GRIK4: variants seen among roughly 807,000 people sequenced by gnomAD.
GRIK4 encodes the protein glutamate receptor ionotropic, kainate 4.
A neutral mutation model predicts 104.9 loss-of-function variants in GRIK4; 40 were observed. The observed-to-expected ratio is 0.38, with a 90% CI of 0.30 to 0.50. The LOEUF (loss-of-function observed/expected upper bound fraction) is 0.50. GRIK4 is among the 20% of genes least tolerant of loss of function. The pLI is 0.93. For synonymous variants in GRIK4, 485 were observed against 524.9 expected (o/e 0.92, Z 1.04); for missense variants, 1,047 against 1,308.1 (o/e 0.80, Z 3.08).
At chr11:120,760,279 T>G (rs1419864285) in intron 3 of GRIK4, among the ~76,000 whole-genome samples, 1 of 151,188 alleles carries the variant, frequency 6.6e-6, no homozygotes, top group Non-Finnish European at 1.5e-5. Flanking sequence ...CTTAGCATAT[T>G]GTTCTCTAGG....
intron 3 of GRIK4, among the ~76,000 whole-genome samples, chr11:120,676,562 A>G (rs1337244626): frequency 6.6e-6 from 1 of 152,200 alleles, no homozygotes; most frequent in African/African-American, 2.4e-5. Flanking sequence ...GAAAAACCTG[A>G]CGGGTGTCTT....
At chr11:120,923,865 A>G (rs530738795) in intron 13 of GRIK4, among the ~76,000 whole-genome samples, 1 of 152,322 alleles carries the variant, frequency 6.6e-6, no homozygotes, top group East Asian at 1.9e-4. Flanking sequence ...GGACCCTCTG[A>G]TGGCTCTCTG....
chr11:120,595,605 G>A (rs530966087), intron 1 of GRIK4, among the ~76,000 whole-genome samples: 2 of 152,274 alleles, frequency 1.3e-5, no homozygotes, highest in South Asian at 4.1e-4. Flanking sequence ...TAGCCACATG[G>A]AATGGTGGTT....
chr11:120,940,605 C>T lies in GRIK4; in HGVS notation c.1590+145C>T. On this transcript the variant is annotated intron_variant, in intron 14 of 20. Coordinates refer to ENST00000527524, the MANE Select transcript of GRIK4 (RefSeq NM_014619.5). This position sits in a 1 kb window ranked among gnomAD's most constrained non-coding sequence, Gnocchi z 4.3. Reference sequence around the variant, plus strand: ...TGTGCTGGGCTATTTTTTCTCCTATCATCTGCACGAACTTGCAAACTGAAG... The same window carrying T: ...TGTGCTGGGCTATTTTTTCTCCTATTATCTGCACGAACTTGCAAACTGAAG... The T allele has an allele frequency of 1.6e-6, 1 of 609,200 alleles. No homozygotes were observed. The highest frequency in any genetic ancestry group is 2.1e-5 in the South Asian group (1 of 48,648). 37.7% of individuals were successfully genotyped at this position (609,200 alleles called of 1,614,324 possible). A position where few individuals can be genotyped will look rare whatever the true frequency, so the allele number is the denominator to read the frequency against.
rs760819006 is a variant in GRIK4, at chr11:120,952,925, C to T, written c.1661C>T (p.Ala554Val). The change falls in exon 15 of 21, where the codon GCC becomes GTC. Residue 554 changes from alanine to valine, a missense_variant. This residue lies in a region of GRIK4 where 440 missense variants were observed against 652.3 expected (regional missense o/e 0.67). Transcript: ENST00000527524. This position sits in a 1 kb window ranked among gnomAD's most constrained non-coding sequence, Gnocchi z 5.2. Reference sequence around the variant, plus strand: ...GGCGTCTGGCTCTTCATGCTTCTAGCCTATCTGGCCGTCAGCTGTGTCCTC... The same window carrying T: ...GGCGTCTGGCTCTTCATGCTTCTAGTCTATCTGGCCGTCAGCTGTGTCCTC... ...SPGVWLFMLL[A>V]YLAVSCVLFL... The T allele has an allele frequency of 1.2e-6, 2 of 1,613,822 alleles. No individual in the cohort carries two copies. Among genetic ancestry groups the T allele is most frequent in the Admixed American group, 3.3e-5 (2 of 60,010 alleles).
intron 9 of GRIK4, chr11:120,871,508 A>C: frequency 2.3e-6 from 1 of 425,606 alleles, no homozygotes; most frequent in South Asian, 1.7e-5. Context: ...ACCTCATCCT[A>C]GCTCAGCAAG....
chr11:120,652,091 C>T (rs1304118121), intron 1 of GRIK4, among the ~76,000 whole-genome samples: 1 of 152,092 alleles, frequency 6.6e-6, no homozygotes, highest in South Asian at 2.1e-4. Flanking sequence ...CAGGTCTGCA[C>T]GTGGGGAGGA....
At chr11:120,798,465 T>A (rs989192099) in intron 3 of GRIK4, among the ~76,000 whole-genome samples, 16 of 151,926 alleles carry the variant, frequency 1.1e-4, no homozygotes, top group Non-Finnish European at 1.8e-4. Flanking sequence ...CCAGGTTTTG[T>A]TTTTGTTTTT....
chr11:120,902,138 C>G lies in GRIK4; in HGVS notation c.1273-3152C>G, dbSNP rs1213246883. 6.6e-6 allele frequency among the ~76,000 whole-genome samples: 1 copy of G among 152,182 alleles called. No homozygotes were observed. Among genetic ancestry groups the G allele is most frequent in the Non-Finnish European group, 1.5e-5 (1 of 68,040 alleles). ...CTCAGCACACATTCATGTTGTCTCC[C>G]CGCTCTGGTCAGGGCACACTTGGGG... On this transcript the variant is annotated intron_variant, in intron 12 of 20. Coordinates refer to ENST00000527524, the MANE Select transcript of GRIK4 (RefSeq NM_014619.5). The surrounding 1 kb of genome is among the most constrained non-coding windows in gnomAD (Gnocchi z 4.5).
intron 3 of GRIK4, among the ~76,000 whole-genome samples, chr11:120,752,508 C>G (rs1264706268): frequency 6.6e-6 from 1 of 152,222 alleles, no homozygotes; most frequent in Non-Finnish European, 1.5e-5. Flanking sequence ...ATGGAGAGAT[C>G]CACCCCTTCC....
chr11:120,618,823 T>C (rs2135160449), intron 1 of GRIK4, among the ~76,000 whole-genome samples: 1 of 152,258 alleles, frequency 6.6e-6, no homozygotes, highest in Middle Eastern at 3.4e-3. Flanking sequence ...TCTGTCTAGA[T>C]TTTGGAGGAT....
At chr11:120,528,731 A>G (rs1394959488) in intron 1 of GRIK4, among the ~76,000 whole-genome samples, 1 of 152,138 alleles carries the variant, frequency 6.6e-6, no homozygotes, top group Non-Finnish European at 1.5e-5. Context: ...GTGCAGGGAA[A>G]CTGCCCCTCA....
chr11:120,555,769 G>A lies in GRIK4; in HGVS notation c.-159+43882G>A, dbSNP rs1287765026. Among the ~76,000 whole-genome samples, 1 of 152,106 alleles carries A rather than the reference G, an allele frequency of 6.6e-6. No homozygotes were observed. The highest frequency in any genetic ancestry group is 1.5e-5 in the Non-Finnish European group (1 of 68,028). On this transcript the variant is annotated intron_variant, in intron 1 of 20. Coordinates refer to ENST00000527524, the MANE Select transcript of GRIK4 (RefSeq NM_014619.5). This position sits in a 1 kb window ranked among gnomAD's most constrained non-coding sequence, Gnocchi z 5.3. ...TGCAAATTCCTTTTACTTCATCCTT[G>A]TCCTCAGAGGCCTTGGGGCTTCTTC...
intron 3 of GRIK4, among the ~76,000 whole-genome samples, chr11:120,746,002 G>T (rs1175928377): frequency 2.6e-5 from 4 of 152,128 alleles, no homozygotes; most frequent in Non-Finnish European, 5.9e-5. Context: ...ATGAGTTTGG[G>T]ACTTGGGGAT....
At chr11:120,964,672 G>GTC (rs1944352515) in intron 18 of GRIK4, among the ~76,000 whole-genome samples, 1 of 152,144 alleles carries the variant, frequency 6.6e-6, no homozygotes, top group East Asian at 1.9e-4. Context: ...CACAACTCTA[G>GTC]AAATTTTCAT....
chr11:120,981,842 C>A (rs1273048278), intron 19 of GRIK4, among the ~76,000 whole-genome samples: 1 of 152,176 alleles, frequency 6.6e-6, no homozygotes, highest in Non-Finnish European at 1.5e-5. Flanking sequence ...CCCAGACACC[C>A]TTTGGTAGGC....
In GRIK4 at chr11:120,861,843, G is replaced by A. The variant is rs532432313; in HGVS notation, c.745-116G>A. 1.1e-4 allele frequency: 86 copies of A among 781,542 alleles called. 3 individuals are homozygous for A. The South Asian group carries it at 1.4e-3, about 13-fold the overall frequency. The allele number at this position is 781,542 out of a possible 1,614,324, so 48.4% of individuals were successfully genotyped here. On this transcript the variant is annotated intron_variant, in intron 8 of 20. Transcript: ENST00000527524. ...AACTCTGGACCCCTAGGTCCCAACAGAGTGTCTGGTGTTCACTGGACTAGA... is the reference window on the plus strand; with the variant it reads ...AACTCTGGACCCCTAGGTCCCAACAAAGTGTCTGGTGTTCACTGGACTAGA...
intron 1 of GRIK4, among the ~76,000 whole-genome samples, chr11:120,517,787 C>G (rs1477791449): frequency 6.6e-6 from 1 of 152,050 alleles, no homozygotes; most frequent in African/African-American, 2.4e-5. Flanking sequence ...GGGGCCGGCC[C>G]CTAGCACAGA....
chr11:120,962,515 C>T lies in GRIK4; in HGVS notation c.2100C>T (p.Ser700=), dbSNP rs765480588. 88 of 1,614,088 alleles carry T rather than the reference C, an allele frequency of 5.5e-5. 1 individual carries two copies. In the Middle Eastern group the frequency reaches 9.9e-4, roughly 18 times the overall value. Residue 700 remains serine, a synonymous_variant, in exon 18 of 21, where the codon AGC becomes AGT. Coordinates refer to ENST00000527524, the MANE Select transcript of GRIK4 (RefSeq NM_014619.5). Reference sequence around the variant, plus strand: ...ATTACATGTATTCCAAGCAGCCCAGCGTGTTCGTGAAGAGCACAGAGGAGG... The same window carrying T: ...ATTACATGTATTCCAAGCAGCCCAGTGTGTTCGTGAAGAGCACAGAGGAGG... ...MWNYMYSKQP[S]VFVKSTEEGI...
Sources: gnomAD v4.1 joint callset for allele counts (sites outside exome capture counted in the v4.1 genomes callset) on GRCh38, gnomAD v4.1.1 for gene constraint, gnomAD v4.1.1 regional missense constraint, Gnocchi (gnomAD v3.1) non-coding constraint, MANE v1.5 for transcripts, NCBI Gene and HGNC (gene_info 2026-07-23, HGNC 2026-07-21) for gene names.